The following LAMA4 variants were observed in gnomAD, a reference collection of about 807,000 sequenced individuals.
The protein encoded by LAMA4 is laminin subunit alpha-4.
LAMA4 carries 127 observed loss-of-function variants against 207.1 expected under a neutral mutation model. The ratio of observed to expected loss-of-function variants is 0.61; its 90% confidence interval spans 0.53 to 0.71. LAMA4 has a LOEUF of 0.71. LAMA4 is among the 30% of genes least tolerant of loss of function. LAMA4 has a pLI of 0.00. For synonymous variants in LAMA4, 761 were observed against 816.0 expected (o/e 0.93, Z 1.15); for missense variants, 2,093 against 2,246.5 (o/e 0.93, Z 1.38).
At chr6:112,144,199 G>A (rs533785070) in intron 19 of LAMA4, among the ~76,000 whole-genome samples, 14 of 152,294 alleles carry the variant, frequency 9.2e-5, no homozygotes, top group Admixed American at 3.9e-4. Flanking sequence ...GCCAGCCCTA[G>A]TTATCTTCTG....
Position 112,109,589 on chromosome 6 carries a change from A to G in LAMA4, c.5327-7T>C. The G allele has an allele frequency of 6.2e-7, 1 of 1,614,078 alleles. No individual in the cohort carries two copies. ...CGTGGTGTCAGTAGAGATTCTGAAA[A>G]GAGCAAGAAATAAAAACAAAGATTG... On this transcript the variant is annotated splice_polypyrimidine_tract_variant and splice_region_variant and intron_variant, in intron 38 of 38. Transcript: ENST00000230538.
intron 7 of LAMA4, 125 bp downstream of exon 7, chr6:112,188,985 A>T: frequency 1.4e-6 from 1 of 717,738 alleles, no homozygotes; most frequent in Non-Finnish European, 2.5e-6. Context: ...AGGTGCAGAA[A>T]GGGTTAAGTC....
intron 16 of LAMA4, among the ~76,000 whole-genome samples, chr6:112,153,264 A>G (rs561213265): frequency 1.3e-5 from 2 of 152,148 alleles, no homozygotes; most frequent in Non-Finnish European, 2.9e-5. Context: ...GTAGATGACT[A>G]TGGTTTAATT....
At chr6:112,219,914 T>C (rs1417179230) in intron 2 of LAMA4, among the ~76,000 whole-genome samples, 4 of 152,264 alleles carry the variant, frequency 2.6e-5, no homozygotes, top group African/African-American at 9.6e-5. Flanking sequence ...ATCCTTCATT[T>C]TTTCCCTCAA....
At position 112,189,200 on chromosome 6, in the gene LAMA4, T is replaced by C; in HGVS notation, c.724A>G (p.Asn242Asp). The C allele has an allele frequency of 6.2e-7, 1 of 1,612,956 alleles. No homozygotes were observed. Among genetic ancestry groups the C allele is most frequent in the Non-Finnish European group, 8.5e-7 (1 of 1,178,978 alleles). Residue 242 changes from asparagine to aspartate, a missense_variant, in exon 7 of 39, where the codon AAC becomes GAC. Around this residue, in one of 3 missense-constraint regions of LAMA4, gnomAD observed 1,704 missense variants for 1,788.4 expected, o/e 0.95. Coordinates refer to ENST00000230538, the MANE Select transcript of LAMA4 (RefSeq NM_001105206.3). ...ARIAKNCAVC[N>D]CGGGPCDSVT... ...CTGTCACATGGGCCTCCCCCGCAGT[T>C]GCACACTGTGGGAAACAAAAACAAG...
intron 4 of LAMA4, among the ~76,000 whole-genome samples, chr6:112,204,645 G>T (rs554004383): frequency 1.3e-4 from 19 of 150,592 alleles, no homozygotes; most frequent in Admixed American, 1.0e-3. Context: ...TATCTCACCA[G>T]ACGTGATTAA....
chr6:112,251,069 C>T (rs558777868), intron 2 of LAMA4, among the ~76,000 whole-genome samples: 1 of 152,180 alleles, frequency 6.6e-6, no homozygotes, highest in Non-Finnish European at 1.5e-5. Context: ...ATAAACTCAG[C>T]AATAAAGGAC....
chr6:112,230,097 G>T lies in LAMA4; in HGVS notation c.196-13628C>A, dbSNP rs1489907385. 2.6e-5 allele frequency among the ~76,000 whole-genome samples: 4 copies of T among 152,044 alleles called. No individual in the cohort carries two copies. In the East Asian group the frequency reaches 7.7e-4, roughly 29 times the overall value. On this transcript the variant is annotated intron_variant, in intron 2 of 38. Coordinates refer to ENST00000230538, the MANE Select transcript of LAMA4 (RefSeq NM_001105206.3). ...TTCTTTAGCATTTACATACAAAATG[G>T]CTAGGATATGATAAATCTACTTTTT...
At chr6:112,181,305 AAATCT>A (rs1401267643) in intron 9 of LAMA4, among the ~76,000 whole-genome samples, 2 of 152,224 alleles carry the variant, frequency 1.3e-5, no homozygotes, top group Non-Finnish European at 2.9e-5. Flanking sequence ...TCTAAAGTGC[AAATCT>A]AATCAGCTCA....
rs1177821516 is a variant in LAMA4, at chr6:112,117,096, C to T, written c.4981+643G>A. On this transcript the variant is annotated intron_variant, in intron 35 of 38. Coordinates refer to ENST00000230538, the MANE Select transcript of LAMA4 (RefSeq NM_001105206.3). This position sits in a 1 kb window ranked among gnomAD's most constrained non-coding sequence, Gnocchi z 4.5. The stretch of plus-strand genomic sequence containing the variant: ...TACCCTTTCCTATCCTAATTCCGGG[C>T]ACTTATTCTGGTGTCTTCCTCACAC... Among the ~76,000 whole-genome samples the T allele has an allele frequency of 6.6e-6, 1 of 152,170 alleles. No individual in the cohort carries two copies. The highest frequency in any genetic ancestry group is 1.5e-5 in the Non-Finnish European group (1 of 68,032).
At chr6:112,152,409 G>C (rs1233773694) in intron 16 of LAMA4, among the ~76,000 whole-genome samples, 1 of 151,960 alleles carries the variant, frequency 6.6e-6, no homozygotes, top group East Asian at 1.9e-4. Context: ...GTTCTTGAAA[G>C]CACACTTGTG....
At chr6:112,180,501 C>T (rs992558445) in intron 9 of LAMA4, among the ~76,000 whole-genome samples, 1 of 152,078 alleles carries the variant, frequency 6.6e-6, no homozygotes, top group Non-Finnish European at 1.5e-5. Context: ...AACAGGTGCG[C>T]CTCGGTTTAA....
chr6:112,122,630 T>C (rs1778429915), intron 31 of LAMA4, among the ~76,000 whole-genome samples: 1 of 152,212 alleles, frequency 6.6e-6, no homozygotes, highest in Non-Finnish European at 1.5e-5. Flanking sequence ...ATGCATGTTG[T>C]GTAAAAAGTT....
chr6:112,219,243 G>A (rs937729974), intron 2 of LAMA4: 1 of 152,136 alleles, frequency 6.6e-6, no homozygotes, highest in African/African-American at 2.4e-5. Context: ...TTTTGCTCCT[G>A]GTTAATGTAA....
intron 16 of LAMA4, among the ~76,000 whole-genome samples, chr6:112,153,365 G>T (rs1554336161): frequency 1.3e-5 from 2 of 152,088 alleles, no homozygotes; most frequent in African/African-American, 4.8e-5. Context: ...ACTCCCTGTT[G>T]TTGTTCCTTT....
chr6:112,151,073 C>T (rs1319792687), intron 16 of LAMA4, among the ~76,000 whole-genome samples: 1 of 133,838 alleles, frequency 7.5e-6, no homozygotes, highest in African/African-American at 3.1e-5. Context: ...TATAAATGCA[C>T]AGCTTGACAA....
intron 12 of LAMA4, among the ~76,000 whole-genome samples, chr6:112,167,154 C>T (rs1225615090): frequency 6.6e-6 from 1 of 152,146 alleles, no homozygotes; most frequent in African/African-American, 2.4e-5. Context: ...TCTGTGGGTA[C>T]TTTTTTGGTT....
intron 23 of LAMA4, among the ~76,000 whole-genome samples, 192 bp downstream of exon 23, chr6:112,139,559 TA>T (rs1452328511): frequency 1.3e-5 from 2 of 152,226 alleles, no homozygotes; most frequent in Non-Finnish European, 2.9e-5. Context: ...ACAAGTTGTT[TA>T]ACACTTCATA....
chr6:112,228,651 G>A (rs1785365545), intron 2 of LAMA4, among the ~76,000 whole-genome samples: 1 of 152,312 alleles, frequency 6.6e-6, no homozygotes, highest in East Asian at 1.9e-4. Flanking sequence ...ACAAAGCCAG[G>A]GAAAGCTGGA....
Sources: allele counts gnomAD v4.1 joint callset (sites outside exome capture counted in the v4.1 genomes callset), GRCh38; gene constraint gnomAD v4.1.1; regional missense constraint gnomAD v4.1.1; non-coding constraint Gnocchi (gnomAD v3.1); transcripts MANE v1.5; gene names NCBI Gene and HGNC (gene_info 2026-07-23, HGNC 2026-07-21).